PRKG1: variants seen among roughly 807,000 people sequenced by gnomAD.
PRKG1 encodes cGMP-dependent protein kinase 1.
In PRKG1, 35 loss-of-function variants were observed where a neutral mutation model predicts 88.1. The observed-to-expected ratio is 0.40, with a 90% CI of 0.30 to 0.53. The LOEUF (loss-of-function observed/expected upper bound fraction) is 0.53, where lower values mean the gene tolerates loss of function less well. PRKG1 is among the 20% of genes least tolerant of loss of function. PRKG1 has a pLI of 0.59. For missense variants in PRKG1, 540 were observed against 839.8 expected, an observed-to-expected ratio of 0.64 and a Z score of 4.41; for synonymous variants, 303 against 292.5, an observed-to-expected ratio of 1.04 and a Z score of -0.37.
At chr10:51,229,332 A>C (rs1056427402) in intron 2 of PRKG1, among the ~76,000 whole-genome samples, 1 of 152,152 alleles carries the variant, frequency 6.6e-6, no homozygotes, top group African/African-American at 2.4e-5. Flanking sequence ...TTCCCAGATA[A>C]GAAGGTATTG....
intron 4 of PRKG1, among the ~76,000 whole-genome samples, chr10:51,828,532 T>A (rs1839931737): frequency 6.6e-6 from 1 of 152,144 alleles, no homozygotes. Context: ...AAACAAAGCA[T>A]TAAAATCAGT....
At chr10:51,146,654 G>A (rs376334107) in intron 1 of PRKG1, among the ~76,000 whole-genome samples, 170 of 152,096 alleles carry the variant, frequency 1.1e-3, no homozygotes, top group African/African-American at 3.7e-3. Context: ...GCCTAGACTC[G>A]ATGTCCTGAA....
chr10:51,407,187 A>G (rs1837944898), intron 2 of PRKG1, among the ~76,000 whole-genome samples: 2 of 152,192 alleles, frequency 1.3e-5, no homozygotes, highest in Non-Finnish European at 2.9e-5. Context: ...AATACTTTGC[A>G]TCCTTCAATC....
intron 3 of PRKG1, among the ~76,000 whole-genome samples, chr10:51,510,374 A>C (rs1841358784): frequency 6.6e-6 from 1 of 152,198 alleles, no homozygotes; most frequent in Non-Finnish European, 1.5e-5. Flanking sequence ...GCAAATTTCA[A>C]AATACAATGC....
rs11000393 is a variant in PRKG1 at position 51,989,770 on chromosome 10, T to G, written c.763-64714T>G. ...ATCTGCCAAAAATCAGACTCATCTT[T>G]AAGGAGTAACTTTTTTTATAAACAT... On this transcript the variant is annotated intron_variant, in intron 5 of 17. Transcript: ENST00000373980. 9.0e-3 allele frequency among the ~76,000 whole-genome samples: 1,371 copies of G among 152,204 alleles called. 15 individuals carry two copies. The highest frequency in any genetic ancestry group is 0.03 in the African/African-American group (1,242 of 41,540).
In PRKG1 at chr10:51,348,207, C is replaced by A. The variant is rs189779640; in HGVS notation, c.479-119516C>A. Among the ~76,000 whole-genome samples, 33 of 152,172 alleles carry A rather than the reference C, an allele frequency of 2.2e-4. No individual in the cohort carries two copies. The East Asian group carries it at 6.0e-3, about 28-fold the overall frequency. The stretch of plus-strand genomic sequence containing the variant: ...TACTTACACCAAAGGCCACTTAAGT[C>A]CACATATCAAGTTTACTCTGTACCT... On this transcript the variant is annotated intron_variant, in intron 2 of 17. Transcript: ENST00000373980.
intron 2 of PRKG1, among the ~76,000 whole-genome samples, chr10:51,380,404 TC>T (rs1837051530): frequency 6.6e-6 from 1 of 152,142 alleles, no homozygotes; most frequent in Non-Finnish European, 1.5e-5. Context: ...AAGCATAATC[TC>T]CATGAAAAAA....
intron 3 of PRKG1, among the ~76,000 whole-genome samples, chr10:51,687,282 C>G (rs1841019978): frequency 6.6e-6 from 1 of 152,204 alleles, no homozygotes; most frequent in South Asian, 2.1e-4. Flanking sequence ...ATTTCCAATA[C>G]ATTTACTGAA....
chr10:52,205,019 C>T (rs1355204904), intron 9 of PRKG1, among the ~76,000 whole-genome samples: 4 of 152,108 alleles, frequency 2.6e-5, no homozygotes, highest in Non-Finnish European at 4.4e-5. Context: ...TCTAAAATGG[C>T]TGCCCTGGGA....
At position 52,038,607 on chromosome 10, in the gene PRKG1, G is replaced by T. The variant is rs562239990; in HGVS notation, c.763-15877G>T. ...CCCTCCCCCAGAAAAGCAGAGAAGG[G>T]GTAGAGACAAGGAGAGAAGGGGTTG... On this transcript the variant is annotated intron_variant, in intron 5 of 17. Coordinates refer to ENST00000373980, the MANE Select transcript of PRKG1 (RefSeq NM_006258.4). Among the ~76,000 whole-genome samples the T allele has an allele frequency of 2.7e-3, 413 of 152,124 alleles. 3 individuals are homozygous for T. The highest frequency in any genetic ancestry group is 4.9e-3 in the Admixed American group (75 of 15,286).
intron 5 of PRKG1, among the ~76,000 whole-genome samples, chr10:51,967,518 C>T (rs555973681): frequency 6.6e-6 from 1 of 151,956 alleles, no homozygotes; most frequent in East Asian, 1.9e-4. Context: ...ATGTAACTAA[C>T]CTGCATGTTG....
rs926906247 is a variant in PRKG1, at chr10:51,453,608, G to A, written c.479-14115G>A. Among the ~76,000 whole-genome samples, 34 of 152,014 alleles carry A rather than the reference G, an allele frequency of 2.2e-4. 1 individual carries two copies. The highest frequency in any genetic ancestry group is 7.9e-4 in the African/African-American group (33 of 41,512). On this transcript the variant is annotated intron_variant, in intron 2 of 17. Transcript: ENST00000373980. ...AAATCAGATTAATTTCCATGTATTT[G>A]TATAGTTTTGAGGGTTCTTTTTGGA...
chr10:51,208,080 C>G (rs189076088), intron 2 of PRKG1, among the ~76,000 whole-genome samples: 10 of 152,302 alleles, frequency 6.6e-5, no homozygotes, highest in African/African-American at 2.4e-4. Flanking sequence ...TTCTTTCACT[C>G]TGCCCAAAGT....
intron 3 of PRKG1, among the ~76,000 whole-genome samples, chr10:51,608,808 C>T (rs571916275): frequency 6.6e-5 from 10 of 152,138 alleles, no homozygotes; most frequent in African/African-American, 1.7e-4. Context: ...TTCTTACTGC[C>T]GGGTGACATC....
intron 3 of PRKG1, among the ~76,000 whole-genome samples, chr10:51,646,719 T>C (rs562205185): frequency 6.6e-6 from 1 of 151,988 alleles, no homozygotes; most frequent in South Asian, 2.1e-4. Context: ...TCTCCATGTA[T>C]TTTTTAACTA....
Position 51,832,835 on chromosome 10 carries a change from T to C in PRKG1, c.698+28145T>C, listed in dbSNP as rs1222420384. ...GGGGAGGAAATGCATGATGATCAAA[T>C]ATTGTCTTATCGCACAGATAAAGTC... is the stretch of plus-strand genomic sequence containing the variant. On this transcript the variant is annotated intron_variant, in intron 4 of 17. Transcript: ENST00000373980. Among the ~76,000 whole-genome samples, 6 of 152,256 alleles carry C rather than the reference T, an allele frequency of 3.9e-5. No homozygotes were observed. The East Asian group carries it at 1.2e-3, about 29-fold the overall frequency.
At chr10:51,332,923 G>A (rs554027162) in intron 2 of PRKG1, among the ~76,000 whole-genome samples, 6 of 152,292 alleles carry the variant, frequency 3.9e-5, no homozygotes, top group African/African-American at 1.4e-4. Flanking sequence ...CATTTATTCA[G>A]TGCTAACTAG....
chr10:51,507,413 G>T (rs565510258), intron 3 of PRKG1, among the ~76,000 whole-genome samples: 1 of 150,668 alleles, frequency 6.6e-6, no homozygotes, highest in South Asian at 2.1e-4. Flanking sequence ...TGAAGAAAAC[G>T]TGTGTGGGAA....
intron 7 of PRKG1, among the ~76,000 whole-genome samples, chr10:52,103,724 T>C (rs1328021401): frequency 6.6e-6 from 1 of 151,912 alleles, no homozygotes; most frequent in Non-Finnish European, 1.5e-5. Flanking sequence ...TGTTCAGAGG[T>C]CAACTGTATA....
Sources: gnomAD v4.1 joint callset for allele counts (sites outside exome capture counted in the v4.1 genomes callset) on GRCh38, gnomAD v4.1.1 for gene constraint, MANE v1.5 for transcripts, NCBI Gene and HGNC (gene_info 2026-07-23, HGNC 2026-07-21) for gene names.